ADCY3: variants seen among roughly 807,000 people sequenced by gnomAD.
ADCY3 encodes the protein adenylate cyclase type 3.
In ADCY3, 70 loss-of-function variants were observed where a neutral mutation model predicts 119.4. The observed-to-expected ratio is 0.59, with a 90% CI of 0.48 to 0.72. ADCY3 has a LOEUF of 0.72. Among genes scored for constraint, ADCY3 ranks in the 30% least tolerant of loss-of-function variants. The probability of loss-of-function intolerance (pLI) is 0.00; values close to 1 mark genes in which losing one functional copy is unlikely to be tolerated. For synonymous variants in ADCY3, 672 were observed against 621.4 expected (o/e 1.08, Z -1.21); for missense variants, 1,238 against 1,541.6 (o/e 0.80, Z 3.30).
intron 3 of ADCY3, among the ~76,000 whole-genome samples, chr2:24,856,168 G>A (rs780933370): frequency 2.6e-5 from 4 of 152,322 alleles, no homozygotes; most frequent in Non-Finnish European, 4.4e-5. Flanking sequence ...GGGAATGAGT[G>A]TGAATGTGGA....
chr2:24,869,693 C>G (rs1045097775), intron 3 of ADCY3, among the ~76,000 whole-genome samples: 4 of 152,176 alleles, frequency 2.6e-5, no homozygotes, highest in Non-Finnish European at 4.4e-5. Context: ...GGCATAGCCA[C>G]CTGCCTGGCC....
chr2:24,829,898 T>TG (rs1669227348), intron 13 of ADCY3, among the ~76,000 whole-genome samples: 1 of 151,534 alleles, frequency 6.6e-6, no homozygotes, highest in African/African-American at 2.4e-5. Context: ...CCAATAGATC[T>TG]GGGCTCCCAA....
rs1668047770 is a variant in ADCY3 at position 24,823,202 on chromosome 2, C to G, written c.2883+7G>C. On this transcript the variant is annotated splice_region_variant and intron_variant, in intron 18 of 21. Coordinates refer to ENST00000679454, the MANE Select transcript of ADCY3 (RefSeq NM_004036.5). ...TGGCCAGAGTGCAGGGTGGGATGGG[C>G]ACTCACAGAGTCAAAATCTGAGATG... 5 of 1,611,268 alleles carry G rather than the reference C, an allele frequency of 3.1e-6. No individual in the cohort carries two copies. Among genetic ancestry groups the G allele is most frequent in the Non-Finnish European group, 4.2e-6 (5 of 1,179,108 alleles).
chr2:24,914,454 T>C (rs10206196), intron 2 of ADCY3, among the ~76,000 whole-genome samples: 81,881 of 151,964 alleles, frequency 0.54, 24,636 homozygotes, highest in African/African-American at 0.83. Flanking sequence ...AGGCGGATTA[T>C]CTGAGGTCAG....
At chr2:24,915,660 T>C (rs914086907) in intron 2 of ADCY3, among the ~76,000 whole-genome samples, 3 of 152,070 alleles carry the variant, frequency 2.0e-5, no homozygotes, top group Non-Finnish European at 4.4e-5. Context: ...CCTGCCTCAG[T>C]CTCCTGTGTA....
chr2:24,834,949 G>T lies in ADCY3; in HGVS notation c.1663-13C>A. On this transcript the variant is annotated splice_polypyrimidine_tract_variant and intron_variant, in intron 9 of 21. Transcript: ENST00000679454. This position sits in a 1 kb window ranked among gnomAD's most constrained non-coding sequence, Gnocchi z 4.2. ...AGGGGTTGTCGGCCTGTGAGCCAGGGAGGCAGCGTGAGTGGGGCAGATGGG... is the reference window on the plus strand; with the variant it reads ...AGGGGTTGTCGGCCTGTGAGCCAGGTAGGCAGCGTGAGTGGGGCAGATGGG... 1 of 1,611,732 alleles carries T rather than the reference G, an allele frequency of 6.2e-7. No homozygotes were observed.
chr2:24,904,628 G>A (rs1000389505), intron 2 of ADCY3, among the ~76,000 whole-genome samples: 2 of 151,992 alleles, frequency 1.3e-5, no homozygotes, highest in African/African-American at 4.8e-5. Flanking sequence ...CAAAAAAAAC[G>A]GTGACCCAGC....
intron 3 of ADCY3, among the ~76,000 whole-genome samples, chr2:24,868,148 T>TA (rs1289662616): frequency 6.6e-6 from 1 of 152,096 alleles, no homozygotes; most frequent in African/African-American, 2.4e-5. Context: ...AGAATAAAGA[T>TA]AAAAAACAAC....
rs76430902 is a variant in ADCY3, at chr2:24,861,592, T to C, written c.825+10978A>G. ...CATTTTTATTCTCATGAGGAGCTTT[T>C]ACAGGAGGAAAGTGAAACGGGGTCA... On this transcript the variant is annotated intron_variant, in intron 3 of 21. Transcript: ENST00000679454. 6.5e-3 allele frequency among the ~76,000 whole-genome samples: 984 copies of C among 152,272 alleles called. 8 individuals are homozygous for C. Among genetic ancestry groups the C allele is most frequent in the African/African-American group, 0.018 (760 of 41,548 alleles).
At chr2:24,845,481 A>C (rs1054651194) in intron 3 of ADCY3, among the ~76,000 whole-genome samples, 4 of 152,210 alleles carry the variant, frequency 2.6e-5, no homozygotes, top group Non-Finnish European at 5.9e-5. Flanking sequence ...CCTGCCCTAG[A>C]GATTTGTGGA....
chr2:24,868,465 CGTG>C (rs1558476046), intron 3 of ADCY3, among the ~76,000 whole-genome samples: 1 of 151,350 alleles, frequency 6.6e-6, no homozygotes, highest in East Asian at 2.0e-4. Context: ...GCCTGACCAA[CGTG>C]GTGAAACCCT....
intron 2 of ADCY3, among the ~76,000 whole-genome samples, chr2:24,888,109 CCA>C (rs1677276357): frequency 6.6e-6 from 1 of 152,200 alleles, no homozygotes; most frequent in Non-Finnish European, 1.5e-5. Flanking sequence ...TCCTCTGTAT[CCA>C]CAGATTCAAC....
At chr2:24,885,544 T>C (rs1325084394) in intron 2 of ADCY3, among the ~76,000 whole-genome samples, 4 of 152,164 alleles carry the variant, frequency 2.6e-5, no homozygotes, top group African/African-American at 9.7e-5. Flanking sequence ...TTTCTGTGCC[T>C]CCAGCAGGTC....
chr2:24,914,034 G>A (rs867330394), intron 2 of ADCY3, among the ~76,000 whole-genome samples: 4 of 152,038 alleles, frequency 2.6e-5, no homozygotes, highest in South Asian at 4.2e-4. Flanking sequence ...GCAGGTCCTG[G>A]TCCTGAGCCC....
At chr2:24,869,055 G>A (rs1197538729) in intron 3 of ADCY3, among the ~76,000 whole-genome samples, 1 of 152,020 alleles carries the variant, frequency 6.6e-6, no homozygotes, top group African/African-American at 2.4e-5. Flanking sequence ...GATAAGAAAT[G>A]TACAAAGAAA....
At chr2:24,884,105 A>G (rs1676724148) in intron 2 of ADCY3, among the ~76,000 whole-genome samples, 1 of 151,746 alleles carries the variant, frequency 6.6e-6, no homozygotes, top group Non-Finnish European at 1.5e-5. Context: ...AGGGACATTC[A>G]GCATTTTTTT....
intron 2 of ADCY3, among the ~76,000 whole-genome samples, chr2:24,896,326 A>C (rs1381022115): frequency 6.6e-6 from 1 of 152,178 alleles, no homozygotes; most frequent in African/African-American, 2.4e-5. Flanking sequence ...CAAAGGTTGC[A>C]GTGAGCCGAG....
chr2:24,868,922 G>T (rs1447071144), intron 3 of ADCY3, among the ~76,000 whole-genome samples: 2 of 151,986 alleles, frequency 1.3e-5, no homozygotes, highest in Non-Finnish European at 2.9e-5. Context: ...TACTCGGGAG[G>T]CTGAGGCTGG....
At chr2:24,894,243 G>A (rs770178509) in intron 2 of ADCY3, among the ~76,000 whole-genome samples, 1 of 152,182 alleles carries the variant, frequency 6.6e-6, no homozygotes, top group Non-Finnish European at 1.5e-5. Context: ...AGCCCTCTGC[G>A]AGGCCATGGT....
Sources: allele counts gnomAD v4.1 joint callset (sites outside exome capture counted in the v4.1 genomes callset), GRCh38; gene constraint gnomAD v4.1.1; non-coding constraint Gnocchi (gnomAD v3.1); transcripts MANE v1.5; gene names NCBI Gene and HGNC (gene_info 2026-07-23, HGNC 2026-07-21).